RAB3GAP1: variants seen among roughly 807,000 people sequenced by gnomAD.
The protein encoded by RAB3GAP1 is rab3 GTPase-activating protein catalytic subunit.
Under a neutral mutation model 130.7 loss-of-function variants are expected in RAB3GAP1, and 86 were observed. The observed-to-expected ratio is 0.66, with a 90% CI of 0.55 to 0.79. The LOEUF (loss-of-function observed/expected upper bound fraction) is 0.79. RAB3GAP1 is among the 30% of genes least tolerant of loss of function. The pLI is 0.00. For missense variants in RAB3GAP1, 1,029 were observed against 1,169.4 expected (o/e 0.88, Z 1.75); for synonymous variants, 367 against 401.7 (o/e 0.91, Z 1.03).
At position 135,092,138 on chromosome 2, in the gene RAB3GAP1, T is replaced by C. The variant is rs563852681; in HGVS notation, c.283+1008T>C. On this transcript the variant is annotated intron_variant, in intron 4 of 23. Coordinates refer to ENST00000264158, the MANE Select transcript of RAB3GAP1 (RefSeq NM_012233.3). ...ATAACATTAACCATATATACATATA[T>C]GTAAGGCAGTTATACAGCAAAAGAA... Among the ~76,000 whole-genome samples the C allele has an allele frequency of 3.3e-5, 5 of 152,282 alleles. No individual in the cohort carries two copies. The South Asian group carries it at 8.3e-4, about 25-fold the overall frequency.
At chr2:135,107,113 A>C (rs75549964) in intron 5 of RAB3GAP1, among the ~76,000 whole-genome samples, 2 of 151,132 alleles carry the variant, frequency 1.3e-5, no homozygotes, top group East Asian at 1.9e-4. Context: ...AAAAAAAAAA[A>C]CCACTGTTGA....
At chr2:135,131,744 T>C (rs550781638) in intron 13 of RAB3GAP1, among the ~76,000 whole-genome samples, 3 of 152,364 alleles carry the variant, frequency 2.0e-5, no homozygotes, top group Admixed American at 2.0e-4. Flanking sequence ...CTAGAAAATA[T>C]GGCTAACAAA....
intron 17 of RAB3GAP1, among the ~76,000 whole-genome samples, chr2:135,142,323 A>AT (rs1691866626): frequency 6.6e-6 from 1 of 152,038 alleles, no homozygotes; most frequent in Non-Finnish European, 1.5e-5. Flanking sequence ...TTAAAAGTTC[A>AT]TTTTCCAATT....
intron 23 of RAB3GAP1, 37 bp from the exon 24 acceptor site, chr2:135,168,508 G>C (rs1308268032): frequency 2.0e-6 from 3 of 1,538,212 alleles, no homozygotes; most frequent in Admixed American, 1.7e-5. Context: ...TTTAGCATTT[G>C]ACCTGCTTTT....
intron 9 of RAB3GAP1, among the ~76,000 whole-genome samples, chr2:135,124,805 A>G (rs1255709769): frequency 6.6e-6 from 1 of 152,228 alleles, no homozygotes; most frequent in Non-Finnish European, 1.5e-5. Flanking sequence ...TTGTATGGCC[A>G]GTGAAGTCAG....
intron 19 of RAB3GAP1, among the ~76,000 whole-genome samples, chr2:135,161,510 A>G: frequency 6.6e-6 from 1 of 152,086 alleles, no homozygotes; most frequent in Non-Finnish European, 1.5e-5. Context: ...AACCATAAAG[A>G]AAAGCAAAAG....
At chr2:135,113,422 G>T in intron 6 of RAB3GAP1, 152 bp downstream of exon 6, 1 of 952,358 alleles carries the variant, frequency 1.1e-6, no homozygotes, top group Non-Finnish European at 1.6e-6. Flanking sequence ...GGTTACCTCT[G>T]TATCCGCTCC....
intron 6 of RAB3GAP1, among the ~76,000 whole-genome samples, chr2:135,114,478 T>C (rs958654644): frequency 2.0e-5 from 3 of 152,228 alleles, no homozygotes; most frequent in African/African-American, 7.2e-5. Flanking sequence ...ATTTGTACAA[T>C]CCTTTCTTGT....
intron 3 of RAB3GAP1, among the ~76,000 whole-genome samples, chr2:135,079,722 T>C (rs1558765465): frequency 6.6e-6 from 1 of 152,256 alleles, no homozygotes; most frequent in Non-Finnish European, 1.5e-5. Context: ...TCTTTAATTA[T>C]GTCCTTAGTC....
At chr2:135,113,595 C>T (rs191348769) in intron 6 of RAB3GAP1, among the ~76,000 whole-genome samples, 28 of 152,268 alleles carry the variant, frequency 1.8e-4, no homozygotes, top group African/African-American at 5.3e-4. Context: ...AAGCAAACTC[C>T]GAGCTGTAAC....
intron 3 of RAB3GAP1, among the ~76,000 whole-genome samples, chr2:135,076,307 G>A (rs1689634079): frequency 6.6e-6 from 1 of 152,080 alleles, no homozygotes. Context: ...ATAGTTGACT[G>A]CATTTATACT....
In RAB3GAP1 at chr2:135,102,598, C is replaced by T. The variant is rs192597968; in HGVS notation, c.362+8905C>T. On this transcript the variant is annotated intron_variant, in intron 5 of 23. Transcript: ENST00000264158. ...ACACATTTTGTCCCCATGGCTCTGC[C>T]TTTGTTGAGCGTTGTCTTTGGGTCT... Among the ~76,000 whole-genome samples, 1,244 of 152,300 alleles carry T rather than the reference C, an allele frequency of 8.2e-3. 11 individuals carry two copies. The highest frequency in any genetic ancestry group is 0.054 in the Middle Eastern group (16 of 294).
chr2:135,079,255 C>T (rs1440293122), intron 3 of RAB3GAP1, among the ~76,000 whole-genome samples: 1 of 152,098 alleles, frequency 6.6e-6, no homozygotes, highest in African/African-American at 2.4e-5. Flanking sequence ...CAAAGTGCTG[C>T]AATTACAGGA....
intron 19 of RAB3GAP1, among the ~76,000 whole-genome samples, chr2:135,157,068 AAC>A (rs1185700271): frequency 6.6e-6 from 1 of 152,154 alleles, no homozygotes; most frequent in East Asian, 1.9e-4. Flanking sequence ...GCTCCTCAAA[AAC>A]ACACTTGAAC....
chr2:135,067,866 G>T (rs1180704465), intron 3 of RAB3GAP1, among the ~76,000 whole-genome samples: 1 of 152,140 alleles, frequency 6.6e-6, no homozygotes, highest in East Asian at 1.9e-4. Context: ...GAGTAGCTGG[G>T]ACTACAGGTA....
intron 17 of RAB3GAP1, among the ~76,000 whole-genome samples, chr2:135,144,602 C>A (rs7603226): frequency 0.15 from 22,844 of 152,222 alleles, 3,212 homozygotes; most frequent in African/African-American, 0.37. Flanking sequence ...TTCAGGCTTT[C>A]AACTATCTTT....
At chr2:135,064,755 G>GTTTTTT (rs746093269) in intron 3 of RAB3GAP1, among the ~76,000 whole-genome samples, 2 of 104,970 alleles carry the variant, frequency 1.9e-5, no homozygotes, top group African/African-American at 3.3e-5. Flanking sequence ...GAGGTGTTTT[G>GTTTTTT]TTTTTTTTTT....
downstream of RAB3GAP1, chr2:135,175,641 AC>A (rs368260732): frequency 2.2e-4 from 33 of 152,308 alleles, no homozygotes; most frequent in South Asian, 5.8e-3. Flanking sequence ...TTCCCCTGCT[AC>A]CCACTTAACT....
intron 12 of RAB3GAP1, 50 bp from the exon 13 acceptor site, chr2:135,130,502 C>T (rs770283643): frequency 3.4e-6 from 5 of 1,471,610 alleles, no homozygotes; most frequent in South Asian, 1.2e-5. Flanking sequence ...ATCACTTTCA[C>T]CTGCTGAGGT....
Sources: allele counts gnomAD v4.1 joint callset (sites outside exome capture counted in the v4.1 genomes callset), GRCh38; gene constraint gnomAD v4.1.1; transcripts MANE v1.5; gene names NCBI Gene and HGNC (gene_info 2026-07-23, HGNC 2026-07-21).